The following SCUBE1 variants were observed in gnomAD, a reference collection of about 807,000 sequenced individuals.
SCUBE1 encodes signal peptide, CUB and EGF-like domain-containing protein 1.
Under a neutral mutation model 124.4 loss-of-function variants are expected in SCUBE1, and 59 were observed. That is an observed-to-expected ratio of 0.47 (90% CI 0.38 to 0.59). SCUBE1 has a LOEUF of 0.59. Among genes scored for constraint, SCUBE1 ranks in the 20% least tolerant of loss-of-function variants. SCUBE1 has a pLI of 0.00. For missense variants in SCUBE1, 1,150 were observed against 1,371.2 expected, an observed-to-expected ratio of 0.84 and a Z score of 2.55; for synonymous variants, 545 against 550.9, an observed-to-expected ratio of 0.99 and a Z score of 0.15.
chr22:43,237,884 T>C (rs1301126876), intron 7 of SCUBE1: 1 of 152,258 alleles, frequency 6.6e-6, no homozygotes, highest in Non-Finnish European at 1.5e-5. Flanking sequence ...GTGGGGGCGT[T>C]TGGAGGGTGG....
Position 43,198,898 on chromosome 22 carries a change from CGGGGCAGTTTGTCTGTCTGCTGTCT to C in SCUBE1, c.*5074_*5098del, listed in dbSNP as rs1293864492. 34 of 372,962 alleles carry C rather than the reference CGGGGCAGTTTGTCTGTCTGCTGTCT, an allele frequency of 9.1e-5. No homozygotes were observed. The highest frequency in any genetic ancestry group is 1.8e-4 in the South Asian group (9 of 50,094). The allele number at this position is 372,962 out of a possible 1,614,324, so 23.1% of individuals were successfully genotyped here. A position where few individuals can be genotyped will look rare whatever the true frequency, so the allele number is the denominator to read the frequency against. ...CTGGGGCAGTTTGCTGTCTGCTTTC[CGGGGCAGTTTGTCTGTCTGCTGTCT>C]GGGGCAGTTTGTCTGTCTGTCTGCT... is the stretch of plus-strand genomic sequence containing the variant. On this transcript the variant is annotated 3_prime_UTR_variant, in exon 22 of 22. Coordinates refer to ENST00000360835, the MANE Select transcript of SCUBE1 (RefSeq NM_173050.5).
chr22:43,214,403 A>G, intron 15 of SCUBE1, 152 bp from the exon 16 acceptor site: 1 of 653,444 alleles, frequency 1.5e-6, no homozygotes, highest in Admixed American at 3.4e-5. Flanking sequence ...ATCCCAGAAG[A>G]GCCTGGGGCA....
intron 20 of SCUBE1, among the ~76,000 whole-genome samples, chr22:43,207,866 A>G: frequency 6.6e-6 from 1 of 152,202 alleles, no homozygotes; most frequent in East Asian, 1.9e-4. Context: ...TGAAGCCTGC[A>G]GAGGCCACTA....
chr22:43,339,053 A>G (rs919128858), intron 2 of SCUBE1, 51 bp downstream of exon 2: 3 of 1,607,198 alleles, frequency 1.9e-6, no homozygotes, highest in African/African-American at 1.3e-5. Context: ...GGCCACCTAC[A>G]GCAGCCCTGG....
chr22:43,237,107 TG>T (rs983592680), intron 7 of SCUBE1, among the ~76,000 whole-genome samples: 26 of 25,894 alleles, frequency 1.0e-3, no homozygotes, highest in Admixed American at 7.6e-3. Context: ...TGTGGTGGGG[TG>T]GGGGGGGTTG....
chr22:43,208,697 C>T (rs1163075001), intron 19 of SCUBE1, among the ~76,000 whole-genome samples: 1 of 152,204 alleles, frequency 6.6e-6, no homozygotes, highest in Non-Finnish European at 1.5e-5. Flanking sequence ...TCCCTTCTCC[C>T]CGAGAGCAAA....
intron 6 of SCUBE1, among the ~76,000 whole-genome samples, chr22:43,254,093 G>C (rs1219638556): frequency 1.3e-5 from 2 of 152,238 alleles, no homozygotes. Context: ...GCTCTTCCCA[G>C]GCCAACCCGG....
chr22:43,298,293 G>A (rs1039231844), intron 3 of SCUBE1, among the ~76,000 whole-genome samples: 4 of 152,216 alleles, frequency 2.6e-5, no homozygotes, highest in Admixed American at 1.3e-4. Flanking sequence ...GGTCTCCCAG[G>A]ACCTGTCTGC....
chr22:43,300,590 G>A (rs1288414012), intron 3 of SCUBE1, among the ~76,000 whole-genome samples: 1 of 152,122 alleles, frequency 6.6e-6, no homozygotes, highest in Non-Finnish European at 1.5e-5. Context: ...AAACTGGGAT[G>A]TCTTGAGTTG....
intron 2 of SCUBE1, among the ~76,000 whole-genome samples, chr22:43,336,890 C>T (rs1927098988): frequency 6.6e-6 from 1 of 152,160 alleles, no homozygotes; most frequent in African/African-American, 2.4e-5. Flanking sequence ...GGCGGAAAAT[C>T]TGAGCTGGGG....
In SCUBE1 at chr22:43,239,060, C is replaced by T; in HGVS notation, c.728-106G>A. The T allele has an allele frequency of 8.3e-6, 7 of 846,944 alleles. No homozygotes were observed. The South Asian group carries it at 1.1e-4, about 13-fold the overall frequency. The allele number at this position is 846,944 out of a possible 1,614,324, so 52.5% of individuals were successfully genotyped here. ...TGAGACAGGAGACGAGACCCGGGTTCAAGCTCTGGCTCTGATATACTCTCT... is the reference window on the plus strand; with the variant it reads ...TGAGACAGGAGACGAGACCCGGGTTTAAGCTCTGGCTCTGATATACTCTCT... On this transcript the variant is annotated intron_variant, in intron 6 of 21. Coordinates refer to ENST00000360835, the MANE Select transcript of SCUBE1 (RefSeq NM_173050.5).
At chr22:43,289,383 G>C (rs549235285) in intron 4 of SCUBE1, among the ~76,000 whole-genome samples, 9 of 152,250 alleles carry the variant, frequency 5.9e-5, no homozygotes, top group Non-Finnish European at 1.3e-4. Context: ...ATGCCCGGGA[G>C]CCACCTGGGT....
intron 4 of SCUBE1, among the ~76,000 whole-genome samples, chr22:43,281,588 C>T (rs1426872157): frequency 3.1e-5 from 4 of 130,660 alleles, no homozygotes; most frequent in African/African-American, 1.4e-4. Flanking sequence ...CACCTCCCTT[C>T]TCAGCCACCC....
intron 5 of SCUBE1, among the ~76,000 whole-genome samples, chr22:43,262,223 G>A (rs1408496616): frequency 6.6e-6 from 1 of 152,166 alleles, no homozygotes; most frequent in Non-Finnish European, 1.5e-5. Context: ...CTCAAAGTCG[G>A]GCTAGAGTGA....
intron 4 of SCUBE1, among the ~76,000 whole-genome samples, chr22:43,275,013 G>A (rs560045486): frequency 2.0e-5 from 3 of 152,322 alleles, no homozygotes; most frequent in African/African-American, 7.2e-5. Context: ...GTGACTTGTC[G>A]CTGCACTCAA....
chr22:43,219,532 G>A (rs982698219), intron 14 of SCUBE1, among the ~76,000 whole-genome samples: 1 of 150,142 alleles, frequency 6.7e-6, no homozygotes, highest in Non-Finnish European at 1.5e-5. Flanking sequence ...GGAGCACAGT[G>A]GCGCGATCTC....
At chr22:43,267,172 C>T (rs1286404615) in intron 4 of SCUBE1, among the ~76,000 whole-genome samples, 3 of 152,150 alleles carry the variant, frequency 2.0e-5, no homozygotes, top group Non-Finnish European at 2.9e-5. Context: ...TCCTGCCAAC[C>T]GTGGGTAACC....
chr22:43,319,447 C>A (rs1371110310), intron 3 of SCUBE1, among the ~76,000 whole-genome samples: 2 of 150,196 alleles, frequency 1.3e-5, no homozygotes, highest in Non-Finnish European at 1.5e-5. Flanking sequence ...CCTGTAATCC[C>A]AGCTACTTGG....
At chr22:43,280,517 G>C (rs62232104) in intron 4 of SCUBE1, among the ~76,000 whole-genome samples, 2,072 of 32,002 alleles carry the variant, frequency 0.065, 123 homozygotes, top group East Asian at 0.6. Context: ...CACCCATCCT[G>C]CTGTCCCTTC....
Sources: gnomAD v4.1 joint callset for allele counts (sites outside exome capture counted in the v4.1 genomes callset) on GRCh38, gnomAD v4.1.1 for gene constraint, MANE v1.5 for transcripts, NCBI Gene and HGNC (gene_info 2026-07-23, HGNC 2026-07-21) for gene names.